The following MAST4 variants were observed in gnomAD, a reference collection of about 807,000 sequenced individuals.
MAST4 encodes the protein microtubule associated serine/threonine kinase family member 4, also known as microtubule-associated serine/threonine-protein kinase 4.
A neutral mutation model predicts 162.7 loss-of-function variants in MAST4; 89 were observed. The ratio of observed to expected loss-of-function variants is 0.55; its 90% CI spans 0.46 to 0.65. The LOEUF is 0.65. MAST4 is among the 30% of genes least tolerant of loss of function. The pLI, the probability that MAST4 is intolerant of heterozygous loss-of-function variation, is 0.00. For missense variants in MAST4, 3,153 were observed against 3,374.0 expected, an observed-to-expected ratio of 0.93 and a Z score of 1.62; for synonymous variants, 1,479 against 1,361.1, an observed-to-expected ratio of 1.09 and a Z score of -1.91.
chr5:67,100,337 A>G (rs1328448465), intron 7 of MAST4, 98 bp from the exon 8 acceptor site: 3 of 1,122,606 alleles, frequency 2.7e-6, no homozygotes, highest in Non-Finnish European at 3.8e-6. Context: ...AACAATAAAA[A>G]TGGTGGTATT....
chr5:67,089,794 C>A (rs1205204055), intron 5 of MAST4, among the ~76,000 whole-genome samples: 2 of 152,218 alleles, frequency 1.3e-5, no homozygotes, highest in African/African-American at 4.8e-5. Flanking sequence ...CTTACCCATG[C>A]ATCCTGCTCA....
At chr5:66,926,060 G>A (rs1467661733) in intron 4 of MAST4, among the ~76,000 whole-genome samples, 1 of 151,770 alleles carries the variant, frequency 6.6e-6, no homozygotes, top group African/African-American at 2.4e-5. Context: ...CATCCATTTG[G>A]GCTTTTTGTC....
At position 66,692,684 on chromosome 5, in the gene MAST4, C is replaced by T. The variant is rs530772245; in HGVS notation, c.364-67025C>T. 3.3e-5 allele frequency among the ~76,000 whole-genome samples: 5 copies of T among 152,274 alleles called. No individual in the cohort carries two copies. In the South Asian group the frequency reaches 1.0e-3, roughly 32 times the overall value. The stretch of plus-strand genomic sequence containing the variant: ...AACTTGTTTGCATATCATTCATCGC[C>T]TTTTGATTCCCTTACCGTTCTGCAA... On this transcript the variant is annotated intron_variant, in intron 1 of 28. Coordinates refer to ENST00000403625, the MANE Select transcript of MAST4 (RefSeq NM_001164664.2).
At chr5:67,035,977 A>G (rs911987530) in intron 4 of MAST4, among the ~76,000 whole-genome samples, 4 of 151,972 alleles carry the variant, frequency 2.6e-5, no homozygotes, top group African/African-American at 9.7e-5. Flanking sequence ...TGAGAAGCTT[A>G]CCCATTGCAC....
intron 1 of MAST4, among the ~76,000 whole-genome samples, chr5:66,714,352 A>T (rs1259035404): frequency 1.3e-5 from 2 of 152,096 alleles, no homozygotes; most frequent in Non-Finnish European, 2.9e-5. Context: ...ACTGTCCATT[A>T]GGTTTTGGTG....
chr5:66,741,868 C>A (rs764627435), intron 1 of MAST4, among the ~76,000 whole-genome samples: 13 of 152,138 alleles, frequency 8.5e-5, no homozygotes, highest in Non-Finnish European at 1.9e-4. Flanking sequence ...TTCTTGTGAA[C>A]TGATTTTTGT....
Position 67,162,788 on chromosome 5 carries a change from G to A in MAST4, c.3967G>A (p.Gly1323Ser). Residue 1323 changes from glycine (G) to serine (S), a missense_variant and splice_region_variant, in exon 28 of 29, where the codon GGT becomes AGT. This residue lies in a region of MAST4 where 619 missense variants were observed against 744.2 expected (regional missense o/e 0.83). Transcript: ENST00000403625. ...CCGCTCCACCCCTGACTTCCCATCT[G>A]GTGAGTGAGTCTCCTGGTCTAAACA... Reference protein sequence around the residue: ...SYRSTPDFPSGTNSSQSSSPS... With the variant: ...SYRSTPDFPSSTNSSQSSSPS... 1 of 1,613,596 alleles carries A rather than the reference G, an allele frequency of 6.2e-7. No homozygotes were observed. Among genetic ancestry groups the A allele is most frequent in the East Asian group, 2.2e-5 (1 of 44,878 alleles).
intron 5 of MAST4, among the ~76,000 whole-genome samples, chr5:67,069,779 A>G (rs532458515): frequency 1.1e-4 from 17 of 152,106 alleles, no homozygotes; most frequent in African/African-American, 3.6e-4. Flanking sequence ...CCTAAAGCCT[A>G]TTTTTGCACA....
chr5:66,784,718 G>A (rs1001627607), intron 2 of MAST4, among the ~76,000 whole-genome samples: 1 of 152,196 alleles, frequency 6.6e-6, no homozygotes, highest in Non-Finnish European at 1.5e-5. Context: ...TGTTGCTGTG[G>A]TGGTGGTGGA....
intron 5 of MAST4, among the ~76,000 whole-genome samples, chr5:67,087,151 C>A (rs754670116): frequency 1.3e-5 from 2 of 152,138 alleles, no homozygotes; most frequent in Non-Finnish European, 2.9e-5. Flanking sequence ...GTTACCACCA[C>A]GACTCCATTT....
At chr5:66,877,597 G>T (rs1447826438) in intron 3 of MAST4, among the ~76,000 whole-genome samples, 1 of 152,044 alleles carries the variant, frequency 6.6e-6, no homozygotes, top group Non-Finnish European at 1.5e-5. Flanking sequence ...TCCACAGATG[G>T]TACCACCGGC....
At chr5:67,026,991 G>A (rs149260376) in intron 4 of MAST4, among the ~76,000 whole-genome samples, 4,486 of 152,072 alleles carry the variant, frequency 0.029, 93 homozygotes, top group Non-Finnish European at 0.048. Context: ...GTTAAATATG[G>A]AAGGTAGGAT....
intron 4 of MAST4, among the ~76,000 whole-genome samples, chr5:66,989,926 T>C (rs1326882581): frequency 6.6e-6 from 1 of 152,194 alleles, no homozygotes; most frequent in Non-Finnish European, 1.5e-5. Flanking sequence ...AATGTGCTTT[T>C]GTAGCTTTAT....
rs141723285 is a variant in MAST4, at chr5:66,992,276, C to G, written c.675-62128C>G. On this transcript the variant is annotated intron_variant, in intron 4 of 28. Coordinates refer to ENST00000403625, the MANE Select transcript of MAST4 (RefSeq NM_001164664.2). ...ATAATTAGTAAATAAGTCATCTACT[C>G]TTGATAACTATGAGGAAAATAAAAG... Among the ~76,000 whole-genome samples the G allele has an allele frequency of 4.3e-3, 653 of 152,214 alleles. 10 individuals carry two copies. Among genetic ancestry groups the G allele is most frequent in the African/African-American group, 0.014 (588 of 41,528 alleles).
At chr5:66,646,804 A>G (rs1480363538) in intron 1 of MAST4, among the ~76,000 whole-genome samples, 1 of 152,210 alleles carries the variant, frequency 6.6e-6, no homozygotes, top group African/African-American at 2.4e-5. Context: ...TGTAGCCCCA[A>G]GCAGCTCCGC....
In MAST4 at chr5:66,611,776, T is replaced by A. The variant is rs1743305102; in HGVS notation, c.363+14758T>A. On this transcript the variant is annotated intron_variant, in intron 1 of 28. Transcript: ENST00000403625. The stretch of plus-strand genomic sequence containing the variant: ...ACTGTCTTGAATTGTTAAAATACTG[T>A]TACCTGCAGTTTTTAGAAATTTATT... 2.6e-5 allele frequency among the ~76,000 whole-genome samples: 4 copies of A among 152,362 alleles called. No homozygotes were observed. The South Asian group carries it at 8.3e-4, about 32-fold the overall frequency.
At chr5:66,713,595 C>A (rs1057027162) in intron 1 of MAST4, among the ~76,000 whole-genome samples, 1 of 152,170 alleles carries the variant, frequency 6.6e-6, no homozygotes, top group Non-Finnish European at 1.5e-5. Context: ...CGTTGCATTT[C>A]TTCTTCAATT....
At chr5:66,883,338 T>G (rs1761814726) in intron 3 of MAST4, among the ~76,000 whole-genome samples, 2 of 151,726 alleles carry the variant, frequency 1.3e-5, no homozygotes, top group South Asian at 4.2e-4. Flanking sequence ...TCAAGGAGAC[T>G]AGGAAATTTG....
intron 4 of MAST4, among the ~76,000 whole-genome samples, chr5:66,960,645 G>T (rs1745899108): frequency 6.6e-6 from 1 of 152,182 alleles, no homozygotes; most frequent in South Asian, 2.1e-4. Flanking sequence ...TTTTGCCTCT[G>T]TTTTTTGTTG....
Sources: allele counts gnomAD v4.1 joint callset (sites outside exome capture counted in the v4.1 genomes callset), GRCh38; gene constraint gnomAD v4.1.1; regional missense constraint gnomAD v4.1.1; transcripts MANE v1.5; gene names NCBI Gene and HGNC (gene_info 2026-07-23, HGNC 2026-07-21).